Variants in NCKAP5 observed in about 807,000 individuals in gnomAD.
NCKAP5 encodes NCK associated protein 5, also known as nck-associated protein 5.
NCKAP5 carries 92 observed loss-of-function variants against 167.0 expected under a neutral mutation model. That is an observed-to-expected ratio of 0.55 (90% CI 0.47 to 0.66). NCKAP5 has a LOEUF of 0.66. Among genes scored for constraint, NCKAP5 ranks in the 30% least tolerant of loss-of-function variants. NCKAP5 has a pLI of 0.00. For synonymous variants in NCKAP5, 891 were observed against 877.4 expected, an observed-to-expected ratio of 1.02 and a Z score of -0.27; for missense variants, 2,378 against 2,315.0, an observed-to-expected ratio of 1.03 and a Z score of -0.56.
the NCKAP5 span, among the ~76,000 whole-genome samples, chr2:133,640,231 C>A: frequency 6.6e-6 from 1 of 152,112 alleles, no homozygotes; most frequent in African/African-American, 2.4e-5. Flanking sequence ...GTGCATGGGC[C>A]TTTACTATAT....
In NCKAP5 at chr2:133,369,966, C is replaced by T. The variant is rs114047730; in HGVS notation, c.70-66856G>A. 2.6e-3 allele frequency among the ~76,000 whole-genome samples: 403 copies of T among 152,248 alleles called. 1 individual carries two copies. Among genetic ancestry groups the T allele is most frequent in the African/African-American group, 9.2e-3 (382 of 41,542 alleles). ...TCAGAATGACTGGTTTAGCTGGGAC[C>T]CCATTGCCTCTGAACCTTTAAACAG... On this transcript the variant is annotated intron_variant, in intron 3 of 19. Coordinates refer to ENST00000409261, the MANE Select transcript of NCKAP5 (RefSeq NM_207363.3).
At chr2:133,285,372 T>C (rs2090070314) in intron 4 of NCKAP5, among the ~76,000 whole-genome samples, 2 of 152,256 alleles carry the variant, frequency 1.3e-5, no homozygotes, top group Admixed American at 1.3e-4. Flanking sequence ...TTTCAAATGC[T>C]AACTTTAAAA....
chr2:133,557,783 C>A (rs1399352614), intron 2 of NCKAP5, among the ~76,000 whole-genome samples: 1 of 152,196 alleles, frequency 6.6e-6, no homozygotes, highest in Non-Finnish European at 1.5e-5. Context: ...TGACGAATCA[C>A]CTCGGCACTT....
At chr2:133,095,562 G>T (rs2081319977) in intron 6 of NCKAP5, among the ~76,000 whole-genome samples, 1 of 152,338 alleles carries the variant, frequency 6.6e-6, no homozygotes, top group Middle Eastern at 3.4e-3. Flanking sequence ...CGCATGGCAG[G>T]GGTGCAGCCC....
intron 19 of NCKAP5, among the ~76,000 whole-genome samples, chr2:132,693,024 T>C (rs744822): frequency 0.4 from 61,563 of 152,184 alleles, 14,125 homozygotes; most frequent in East Asian, 0.55. Context: ...CTACCAACTA[T>C]TTCTTTTGGC....
intron 16 of NCKAP5, among the ~76,000 whole-genome samples, chr2:132,767,152 T>C (rs1681571149): frequency 6.6e-6 from 1 of 152,238 alleles, no homozygotes; most frequent in South Asian, 2.1e-4. Context: ...GAAGTAGGCT[T>C]GATCCTGTCT....
intron 4 of NCKAP5, among the ~76,000 whole-genome samples, chr2:133,257,470 T>C (rs1275849505): frequency 2.0e-5 from 3 of 151,802 alleles, no homozygotes; most frequent in East Asian, 3.8e-4. Context: ...CATAAATATA[T>C]AAGAAAACTA....
intron 6 of NCKAP5, among the ~76,000 whole-genome samples, chr2:133,057,598 A>C (rs1199903909): frequency 2.0e-5 from 3 of 152,196 alleles, no homozygotes; most frequent in Non-Finnish European, 4.4e-5. Context: ...AACTCTCTTC[A>C]ATTCTATGAA....
At chr2:132,925,041 T>C (rs1373352850) in intron 8 of NCKAP5, among the ~76,000 whole-genome samples, 1 of 152,068 alleles carries the variant, frequency 6.6e-6, no homozygotes, top group Non-Finnish European at 1.5e-5. Context: ...TTAGACACAG[T>C]AGTGATTTGC....
intron 6 of NCKAP5, chr2:133,117,020 A>G (rs2149741945): frequency 1.3e-5 from 2 of 152,324 alleles, no homozygotes; most frequent in East Asian, 3.9e-4. Context: ...AGTTCATACA[A>G]CAGCTACAAT....
intron 8 of NCKAP5, among the ~76,000 whole-genome samples, chr2:132,922,573 A>G (rs980405359): frequency 3.3e-5 from 5 of 152,146 alleles, no homozygotes; most frequent in Non-Finnish European, 5.9e-5. Context: ...CCCATGGGCA[A>G]CCTGTGCTCC....
intron 6 of NCKAP5, among the ~76,000 whole-genome samples, chr2:133,060,767 T>C (rs569709968): frequency 6.6e-6 from 1 of 152,350 alleles, no homozygotes; most frequent in East Asian, 1.9e-4. Context: ...AACGTCTTTC[T>C]TTTCTTAGAA....
At chr2:133,223,542 T>C (rs2086748385) in intron 4 of NCKAP5, among the ~76,000 whole-genome samples, 1 of 152,190 alleles carries the variant, frequency 6.6e-6, no homozygotes, top group African/African-American at 2.4e-5. Context: ...GATCATTTAA[T>C]TACTCATCCC....
chr2:133,034,555 T>C (rs1464474381), intron 6 of NCKAP5, among the ~76,000 whole-genome samples: 17 of 152,004 alleles, frequency 1.1e-4, no homozygotes, highest in Admixed American at 1.1e-3. Flanking sequence ...ATAATAACTA[T>C]AACACATTTT....
chr2:133,647,695 A>G, the NCKAP5 span, among the ~76,000 whole-genome samples: 15 of 117,872 alleles, frequency 1.3e-4, no homozygotes, highest in African/African-American at 1.6e-4. Context: ...AGGAAGGAAG[A>G]AAGAAGGAAA....
intron 6 of NCKAP5, among the ~76,000 whole-genome samples, chr2:133,013,855 A>AATG (rs1267108950): frequency 2.6e-5 from 4 of 152,124 alleles, no homozygotes; most frequent in African/African-American, 9.7e-5. Flanking sequence ...CCTGACTGAC[A>AATG]ATGATACCAC....
At chr2:132,926,143 C>T (rs995220568) in intron 8 of NCKAP5, 9 of 347,622 alleles carry the variant, frequency 2.6e-5, no homozygotes, top group Middle Eastern at 3.8e-4. Context: ...TGGTATTCGA[C>T]GTTCTGTTTC....
the NCKAP5 span, among the ~76,000 whole-genome samples, chr2:133,640,182 A>G: frequency 6.6e-6 from 1 of 152,240 alleles, no homozygotes; most frequent in Non-Finnish European, 1.5e-5. Flanking sequence ...AGGAACATCA[A>G]TTTTACTAGT....
chr2:133,386,388 T>C (rs150230699), intron 3 of NCKAP5, among the ~76,000 whole-genome samples: 3,111 of 152,324 alleles, frequency 0.02, 101 homozygotes, highest in African/African-American at 0.071. Context: ...TGAGTTCTAG[T>C]TTGATTGCAC....
Sources: gnomAD v4.1 joint callset for allele counts (sites outside exome capture counted in the v4.1 genomes callset) on GRCh38, gnomAD v4.1.1 for gene constraint, MANE v1.5 for transcripts, NCBI Gene and HGNC (gene_info 2026-07-23, HGNC 2026-07-21) for gene names.